The following ARMCX4 variants were observed in gnomAD, a reference collection of about 807,000 sequenced individuals.
ARMCX4 encodes the protein armadillo repeat-containing X-linked protein 4.
ARMCX4 carries 3 observed loss-of-function variants against 34.7 expected under a neutral mutation model. The ratio of observed to expected loss-of-function variants is 0.09; its 90% confidence interval spans 0.04 to 0.22. The LOEUF (loss-of-function observed/expected upper bound fraction) is 0.22. Ranked by LOEUF, ARMCX4 falls within the 10% of genes least tolerant of loss-of-function variation. The pLI, the probability that ARMCX4 is intolerant of heterozygous loss-of-function variation, is 1.00. For missense variants in ARMCX4, 1,448 were observed against 1,720.8 expected, an observed-to-expected ratio of 0.84 and a Z score of 2.81; for synonymous variants, 513 against 632.8, an observed-to-expected ratio of 0.81 and a Z score of 2.84.
intron 7 of ARMCX4, among the ~76,000 whole-genome samples, chrX:101,502,074 A>T (rs1308349615): frequency 8.9e-6 from 1 of 111,983 alleles, no homozygotes; most frequent in Non-Finnish European, 1.9e-5. Flanking sequence ...GGAAAATTAT[A>T]TACCTTTTAA....
chrX:101,483,618 A>G (rs1410566772), upstream of ARMCX4, among the ~76,000 whole-genome samples: 1 of 110,490 alleles, frequency 9.1e-6, no homozygotes, highest in African/African-American at 3.3e-5. Context: ...TGGGTTGTTT[A>G]TCATTTTACT....
At chrX:101,488,175 G>C in intron 5 of ARMCX4, 76 bp downstream of exon 5, 2 of 409,583 alleles carry the variant, frequency 4.9e-6, no homozygotes, top group Non-Finnish European at 3.8e-6. Context: ...GGACTTCTTG[G>C]TTGCTCCCAT....
intron 7 of ARMCX4, among the ~76,000 whole-genome samples, chrX:101,502,865 A>T (rs1482152004): frequency 9.4e-6 from 1 of 106,313 alleles, no homozygotes; most frequent in Non-Finnish European, 1.9e-5. Context: ...TACATGTGCC[A>T]TGCTGGTGTG....
intron 2 of ARMCX4, among the ~76,000 whole-genome samples, chrX:101,424,156 C>A (rs1274716314): frequency 3.6e-5 from 4 of 111,297 alleles, no homozygotes; most frequent in African/African-American, 1.3e-4. Context: ...AGCCACCGTG[C>A]CTGGCTGTAA....
rs868938719 is a variant in ARMCX4, at chrX:101,490,022, C to T, written c.1433C>T (p.Ala478Val). Reference protein sequence around the residue: ...MLSCTQPQLVASVQADTLSDG... With the variant: ...MLSCTQPQLVVSVQADTLSDG... ...TCCTGTACACAGCCTCAGCTTGTGG[C>T]CAGTGTTCAGGCTGATACCTTGTCT... The change falls in exon 6 of 6, where the codon GCC (alanine) becomes GTC (valine). Residue 478 changes from alanine (A) to valine (V), a missense_variant. Physicochemically the swap from Ala to Val is moderately conservative, Grantham distance 64. Around this residue, in one of 2 missense-constraint regions of ARMCX4, gnomAD observed 1,343 missense variants for 1,540.7 expected, o/e 0.87. Transcript: ENST00000423738. 8.7e-7 allele frequency: 1 copy of T among 1,155,580 alleles called. No homozygotes were observed. Among genetic ancestry groups the T allele is most frequent in the Non-Finnish European group, 1.1e-6 (1 of 872,818 alleles).
At chrX:101,518,534 A>G (rs1429096464) in intron 11 of ARMCX4, among the ~76,000 whole-genome samples, 3 of 111,451 alleles carry the variant, frequency 2.7e-5, no homozygotes, top group African/African-American at 9.7e-5. Context: ...AGCAATACGA[A>G]ATCATGATTA....
At chrX:101,526,596 G>A (rs1406309097) in intron 11 of ARMCX4, among the ~76,000 whole-genome samples, 7 of 111,726 alleles carry the variant, frequency 6.3e-5, no homozygotes, top group Admixed American at 2.8e-4. Flanking sequence ...CCCATCTCAC[G>A]TGCAGAGACA....
chrX:101,431,786 G>A (rs1184704255), intron 2 of ARMCX4, among the ~76,000 whole-genome samples: 68 of 111,807 alleles, frequency 6.1e-4, no homozygotes, highest in South Asian at 1.1e-3. Flanking sequence ...CTTGTGATCT[G>A]CCCGCCTCAG....
chrX:101,515,414 T>TTC (rs1934707821), intron 11 of ARMCX4, among the ~76,000 whole-genome samples: 35 of 12,328 alleles, frequency 2.8e-3, no homozygotes, highest in African/African-American at 0.011. Flanking sequence ...TCCCTCCCTC[T>TTC]CTTCCTTCCT....
chrX:101,454,278 T>C (rs1378874338), intron 4 of ARMCX4, among the ~76,000 whole-genome samples: 1 of 107,701 alleles, frequency 9.3e-6, no homozygotes, highest in Non-Finnish European at 1.9e-5. Flanking sequence ...TTCTTTTTTT[T>C]TTTTTATTTT....
At chrX:101,533,827 T>C (rs1437458978), downstream of ARMCX4, among the ~76,000 whole-genome samples, 2 of 111,671 alleles carry the variant, frequency 1.8e-5, no homozygotes, top group Non-Finnish European at 3.8e-5. Flanking sequence ...TTAACATTGT[T>C]CTAGAAGTAC....
chrX:101,529,637 G>GA (rs1438243462), intron 11 of ARMCX4, among the ~76,000 whole-genome samples: 1 of 111,890 alleles, frequency 8.9e-6, no homozygotes, highest in East Asian at 2.8e-4. Context: ...AAATTTACAA[G>GA]AAAAAATCAA....
rs1351719409 is a variant in ARMCX4 at position 101,493,051 on chromosome X, C to T, written c.4462C>T (p.Leu1488=). The T allele has an allele frequency of 8.7e-7, 1 of 1,153,320 alleles. No individual in the cohort carries two copies. The highest frequency in any genetic ancestry group is 1.8e-5 in the African/African-American group (1 of 55,493). ...GGAGCAGGTTGTTGGAGATTCTAGG[C>T]TGGGGCTTAGGGACCAGTCTAGTGG... is the stretch of plus-strand genomic sequence containing the variant. The part of the protein sequence containing the change: ...AREQVVGDSR[L]GLRDQSSGDS... The change falls in exon 6 of 6, where the codon CTG becomes TTG. Residue 1488 remains leucine, a synonymous_variant. Coordinates refer to ENST00000423738, the MANE Select transcript of ARMCX4 (RefSeq NM_001256155.3).
downstream of ARMCX4, among the ~76,000 whole-genome samples, chrX:101,533,917 C>T (rs1935175859): frequency 9.0e-6 from 1 of 111,257 alleles, no homozygotes; most frequent in Middle Eastern, 4.6e-3. Context: ...ATCATTACCA[C>T]AAATGAAGCA....
intron 8 of ARMCX4, among the ~76,000 whole-genome samples, chrX:101,506,816 G>A (rs1389166247): frequency 1.8e-5 from 2 of 110,514 alleles, no homozygotes; most frequent in Non-Finnish European, 3.8e-5. Context: ...TAGTTATAGG[G>A]TACCATAACA....
chrX:101,488,824 G>C lies in ARMCX4; in HGVS notation c.235G>C (p.Ala79Pro). ...PQVEIGAETG[A>P]RSGPRAEVET... ...AGTCGAGATTGGAGCAGAAACTGGAGCAAGAAGTGGGCCTAGGGCTGAAGT... is the reference window on the plus strand; with the variant it reads ...AGTCGAGATTGGAGCAGAAACTGGACCAAGAAGTGGGCCTAGGGCTGAAGT... Residue 79 changes from alanine (A) to proline (P), a missense_variant, in exon 6 of 6, where the codon GCA (alanine) becomes CCA (proline). By Grantham distance (27) the Ala-to-Pro change is conservative. Transcript: ENST00000423738. 1.7e-6 allele frequency: 2 copies of C among 1,156,245 alleles called. No individual in the cohort carries two copies. The highest frequency in any genetic ancestry group is 2.3e-6 in the Non-Finnish European group (2 of 873,025).
At chrX:101,441,110 T>G (rs890419670) in intron 2 of ARMCX4, among the ~76,000 whole-genome samples, 1 of 111,350 alleles carries the variant, frequency 9.0e-6, no homozygotes, top group Non-Finnish European at 1.9e-5. Context: ...TCGGCCATCT[T>G]GGCTCCACCC....
downstream of ARMCX4, among the ~76,000 whole-genome samples, chrX:101,448,639 C>T (rs1483534396): frequency 8.9e-6 from 1 of 111,873 alleles, no homozygotes; most frequent in Non-Finnish European, 1.9e-5. Flanking sequence ...GTTGCCCAAG[C>T]TGGAGTGCAG....
intron 4 of ARMCX4, among the ~76,000 whole-genome samples, chrX:101,459,443 A>G (rs1448521518): frequency 9.0e-6 from 1 of 111,482 alleles, no homozygotes; most frequent in African/African-American, 3.3e-5. Context: ...TCTTGCTTAT[A>G]TTTCCAGATG....
Sources: allele counts gnomAD v4.1 joint callset (sites outside exome capture counted in the v4.1 genomes callset), GRCh38; gene constraint gnomAD v4.1.1; regional missense constraint gnomAD v4.1.1; transcripts MANE v1.5; gene names NCBI Gene and HGNC (gene_info 2026-07-23, HGNC 2026-07-21).